Variants in RGS11 observed in about 807,000 individuals in gnomAD.
RGS11 encodes the protein regulator of G protein signaling 11, also known as regulator of G-protein signaling 11.
RGS11 carries 86 observed loss-of-function variants against 71.1 expected under a neutral mutation model. The observed-to-expected ratio is 1.21, with a 90% confidence interval of 1.02 to 1.45. The LOEUF (loss-of-function observed/expected upper bound fraction) is 1.45, where lower values mean the gene tolerates loss of function less well. Among genes scored for constraint, RGS11 ranks in the 40% most tolerant of loss-of-function variants. The pLI is 0.00. For synonymous variants in RGS11, 298 were observed against 254.2 expected (o/e 1.17, Z -1.64); for missense variants, 734 against 635.1 (o/e 1.16, Z -1.67).
intron 3 of RGS11, 21 bp from the exon 4 acceptor site, chr16:275,103 G>A: frequency 6.8e-7 from 1 of 1,479,228 alleles, no homozygotes; most frequent in Non-Finnish European, 9.0e-7. Context: ...GTGGGACGGT[G>A]AGCGCGGGGC....
At position 274,200 on chromosome 16, in the gene RGS11, G is replaced by A. The variant is rs370889744; in HGVS notation, c.370+14C>T. ...CCTGGGAACTTGTCTGGGGCCAGCC[G>A]TCCCCTTGCTCACCATAGTCCAGCT... On this transcript the variant is annotated intron_variant, in intron 5 of 16. Coordinates refer to ENST00000397770, the MANE Select transcript of RGS11 (RefSeq NM_183337.3). 218 of 1,607,460 alleles carry A rather than the reference G, an allele frequency of 1.4e-4. No homozygotes were observed. In the African/African-American group the frequency reaches 1.7e-3, roughly 13 times the overall value.
intron 1 of RGS11, 119 bp from the exon 2 acceptor site, chr16:275,617 C>T (rs2052138697): frequency 1.1e-6 from 1 of 899,360 alleles, no homozygotes; most frequent in African/African-American, 1.8e-5. Context: ...CGGCGGATTC[C>T]AGGCCGCAGC....
Position 273,550 on chromosome 16 carries a change from G to T in RGS11, c.513C>A (p.Ala171=). 6.4e-7 allele frequency: 1 copy of T among 1,559,728 alleles called. No individual in the cohort carries two copies. Among genetic ancestry groups the T allele is most frequent in the Middle Eastern group, 1.7e-4 (1 of 5,960 alleles). The change falls in exon 8 of 17, where the codon GCC becomes GCA. Residue 171 remains alanine (A), a synonymous_variant. Coordinates refer to ENST00000397770, the MANE Select transcript of RGS11 (RefSeq NM_183337.3). The stretch of plus-strand genomic sequence containing the variant: ...GCCTGTCCCCCTTGCTGCGCTGCTT[G>T]GCTGCCCTGGGAGGAGGAGGCCGAG... ...LMQAREQLRA[A]KQRSKGDRLV...
In RGS11 at chr16:269,882, G is replaced by C. The variant is rs536928524; in HGVS notation, c.1207-297C>G. The C allele has an allele frequency of 2.0e-5, 7 of 358,486 alleles. 1 individual carries two copies. The highest frequency in any genetic ancestry group is 3.1e-5 in the Non-Finnish European group (6 of 195,460). 22.2% of individuals were successfully genotyped at this position (358,486 alleles called of 1,614,324 possible). On this transcript the variant is annotated intron_variant, in intron 15 of 16. Transcript: ENST00000397770. ...ATTAGCGGGAACCAGGAATGGCTCC[G>C]TGTGCCCCACAGAGTGAGGGCAGGG...
chr16:270,116 G>T (rs2051855159), intron 15 of RGS11, among the ~76,000 whole-genome samples: 1 of 152,098 alleles, frequency 6.6e-6, no homozygotes, highest in African/African-American at 2.4e-5. Context: ...GGGCGTGGTG[G>T]CGGGCGCCTG....
rs1054577188 is a variant in RGS11, at chr16:268,499, G to A, written c.*770C>T. On this transcript the variant is annotated 3_prime_UTR_variant, in exon 17 of 17. Transcript: ENST00000397770. ...ACTGGTGAGGCACTTGGGGGATGGG[G>A]AGCAAGGCCAGCTCACGAAGGAAGA... The A allele has an allele frequency of 2.6e-5, 14 of 529,720 alleles. No homozygotes were observed. The highest frequency in any genetic ancestry group is 4.8e-5 in the Non-Finnish European group (14 of 292,584). 32.8% of individuals were successfully genotyped at this position (529,720 alleles called of 1,614,324 possible).
intron 9 of RGS11, chr16:272,248 A>T: frequency 3.3e-6 from 4 of 1,207,676 alleles, no homozygotes; most frequent in Non-Finnish European, 4.2e-6. Flanking sequence ...ATTGGTCGGC[A>T]CCTCGCTGGG....
chr16:275,251 C>A (rs1224736861), intron 3 of RGS11, 32 bp downstream of exon 3: 1 of 1,611,464 alleles, frequency 6.2e-7, no homozygotes, highest in Admixed American at 1.7e-5. Context: ...AGCCCAGTGA[C>A]CCCAGGGCCC....
chr16:268,709 G>T lies in RGS11; in HGVS notation c.*560C>A. 2.0e-6 allele frequency: 3 copies of T among 1,496,472 alleles called. No homozygotes were observed. Among genetic ancestry groups the T allele is most frequent in the Non-Finnish European group, 2.7e-6 (3 of 1,107,256 alleles). The allele number at this position is 1,496,472 out of a possible 1,614,324, so 92.7% of individuals were successfully genotyped here. The stretch of plus-strand genomic sequence containing the variant: ...AACGCGTTTGGCGAGGGAGGAATAG[G>T]CGCAGCTCCGGAAGGCAGTGACCTC... On this transcript the variant is annotated 3_prime_UTR_variant, in exon 17 of 17. Coordinates refer to ENST00000397770, the MANE Select transcript of RGS11 (RefSeq NM_183337.3).
In RGS11 at chr16:269,116, G is replaced by A; in HGVS notation, c.*153C>T. ...AGGGCTTGCTGGAGGGAGGGAGGCT[G>A]TGCACCCCACAGAAGACTGGGCCCC... On this transcript the variant is annotated 3_prime_UTR_variant, in exon 17 of 17. Transcript: ENST00000397770. 1 of 890,110 alleles carries A rather than the reference G, an allele frequency of 1.1e-6. No homozygotes were observed. Among genetic ancestry groups the A allele is most frequent in the Non-Finnish European group, 1.8e-6 (1 of 548,722 alleles). 55.1% of individuals were successfully genotyped at this position (890,110 alleles called of 1,614,324 possible).
In RGS11 at chr16:268,718, C is replaced by T. The variant is rs902818063; in HGVS notation, c.*551G>A. On this transcript the variant is annotated 3_prime_UTR_variant, in exon 17 of 17. Coordinates refer to ENST00000397770, the MANE Select transcript of RGS11 (RefSeq NM_183337.3). ...GGCGAGGGAGGAATAGGCGCAGCTC[C>T]GGAAGGCAGTGACCTCGAGGCAGCC... The T allele has an allele frequency of 3.3e-5, 50 of 1,520,704 alleles. No individual in the cohort carries two copies. The highest frequency in any genetic ancestry group is 2.3e-4 in the South Asian group (19 of 83,572). 94.2% of individuals were successfully genotyped at this position (1,520,704 alleles called of 1,614,324 possible).
chr16:269,848 T>G, intron 15 of RGS11: 1 of 426,400 alleles, frequency 2.3e-6, no homozygotes, highest in Non-Finnish European at 4.2e-6. Context: ...CCGCGGCACC[T>G]CCTCAGCCAT....
At chr16:271,142 C>G (rs1008838947) in intron 12 of RGS11, 43 bp from the exon 13 acceptor site, 1 of 1,602,254 alleles carries the variant, frequency 6.2e-7, no homozygotes, top group Non-Finnish European at 8.5e-7. Context: ...GGGACTGACC[C>G]TCCTGCGTCC....
chr16:270,299 A>C (rs964241643), intron 15 of RGS11, among the ~76,000 whole-genome samples: 1 of 152,222 alleles, frequency 6.6e-6, no homozygotes, highest in African/African-American at 2.4e-5. Context: ...CTTATTAAGC[A>C]TGTGATCTGG....
At chr16:271,659 C>A in intron 9 of RGS11, 90 bp from the exon 10 acceptor site, 2 of 1,282,906 alleles carry the variant, frequency 1.6e-6, no homozygotes, top group Non-Finnish European at 2.3e-6. Context: ...CAGGCTGAGC[C>A]CCTGCCCCAT....
chr16:269,942 G>A (rs1035952783), intron 15 of RGS11: 5 of 228,500 alleles, frequency 2.2e-5, no homozygotes, highest in East Asian at 1.1e-4. Flanking sequence ...GGTAGGCCAC[G>A]CATGGTGGCT....
At chr16:275,137 C>T (rs1024066691) in intron 3 of RGS11, 55 bp from the exon 4 acceptor site, 37 of 1,504,514 alleles carry the variant, frequency 2.5e-5, no homozygotes, top group Non-Finnish European at 3.2e-5. Flanking sequence ...GAGGGCGGGA[C>T]GAGCCGGGCC....
Position 271,606 on chromosome 16 carries a change from T to C in RGS11, c.658-37A>G, listed in dbSNP as rs148110594. On this transcript the variant is annotated intron_variant, in intron 9 of 16. Coordinates refer to ENST00000397770, the MANE Select transcript of RGS11 (RefSeq NM_183337.3). ...TAGGTGGGCTGCAGTTAGATGCAGG[T>C]CCCCTGCTGGGGTCCAAAATCCCCA... 1.3e-3 allele frequency: 2,048 copies of C among 1,603,476 alleles called. 24 individuals are homozygous for C. The African/African-American group carries it at 0.024, about 19-fold the overall frequency.
Position 273,555 on chromosome 16 carries a change from C to T in RGS11, c.508G>A (p.Ala170Thr), listed in dbSNP as rs757480093. Residue 170 changes from alanine (A) to threonine (T), a missense_variant and splice_region_variant, in exon 8 of 17, where the codon GCA becomes ACA. Transcript: ENST00000397770. Reference protein sequence around the residue: ...VLMQAREQLRAAKQRSKGDRL... With the variant: ...VLMQAREQLRTAKQRSKGDRL... ...TCCCCCTTGCTGCGCTGCTTGGCTG[C>T]CCTGGGAGGAGGAGGCCGAGTTGAG... is the stretch of plus-strand genomic sequence containing the variant. The T allele has an allele frequency of 8.6e-5, 134 of 1,559,546 alleles. No individual in the cohort carries two copies. Among genetic ancestry groups the T allele is most frequent in the Admixed American group, 3.3e-4 (17 of 51,598 alleles).
Sources: gnomAD v4.1 joint callset for allele counts (sites outside exome capture counted in the v4.1 genomes callset) on GRCh38, gnomAD v4.1.1 for gene constraint, MANE v1.5 for transcripts, NCBI Gene and HGNC (gene_info 2026-07-23, HGNC 2026-07-21) for gene names.